PRELID2: variants seen among roughly 807,000 people sequenced by gnomAD.
PRELID2 encodes the protein PRELI domain-containing protein 2.
A neutral mutation model predicts 28.4 loss-of-function variants in PRELID2; 25 were observed. The observed-to-expected ratio is 0.88, with a 90% CI of 0.64 to 1.23. PRELID2 has a LOEUF of 1.23. Ranked by LOEUF, PRELID2 falls within the 50% of genes most tolerant of loss-of-function variation. PRELID2 has a pLI of 0.00. For synonymous variants in PRELID2, 76 were observed against 71.6 expected, an observed-to-expected ratio of 1.06 and a Z score of -0.31; for missense variants, 201 against 214.4, an observed-to-expected ratio of 0.94 and a Z score of 0.39.
the PRELID2 span, among the ~76,000 whole-genome samples, chr5:145,362,276 T>C: frequency 1.3e-5 from 2 of 152,136 alleles, no homozygotes; most frequent in South Asian, 4.1e-4. Context: ...ACAGAGAAAC[T>C]AAGGAATCTG....
the PRELID2 span, among the ~76,000 whole-genome samples, chr5:145,420,578 A>AT: frequency 1.5e-5 from 2 of 134,388 alleles, no homozygotes; most frequent in Non-Finnish European, 3.3e-5. Context: ...TTGTACATTG[A>AT]TTTTGTATCC....
intron 1 of PRELID2, among the ~76,000 whole-genome samples, chr5:145,735,435 C>T (rs1356445032): frequency 6.6e-6 from 1 of 151,870 alleles, no homozygotes; most frequent in African/African-American, 2.4e-5. Flanking sequence ...TTTACTCCAC[C>T]TCAGAGAAAG....
rs1381533750 is a variant in PRELID2, at chr5:145,673,914, G to T, written n.70+91017C>A. On this transcript the variant is annotated intron_variant and non_coding_transcript_variant, in intron 1 of 2. Transcript: ENST00000510259. ...AGAAGCAGACTTGAACAAATAAGAA[G>T]GCTTTCTTTCCATATTCTAGGCAAG... Among the ~76,000 whole-genome samples the T allele has an allele frequency of 2.0e-5, 3 of 152,126 alleles. No homozygotes were observed. The East Asian group carries it at 5.8e-4, about 29-fold the overall frequency.
At chr5:145,274,376 T>C in the PRELID2 span, among the ~76,000 whole-genome samples, 1 of 152,164 alleles carries the variant, frequency 6.6e-6, no homozygotes, top group Non-Finnish European at 1.5e-5. Flanking sequence ...GCTGATTAAA[T>C]GATAATTTTC....
intron 1 of PRELID2, 33 bp from the exon 2 acceptor site, chr5:145,823,167 T>A: frequency 9.5e-7 from 1 of 1,047,224 alleles, no homozygotes; most frequent in South Asian, 1.3e-5. Context: ...GAATTACCAT[T>A]AATCTTCTAC....
the PRELID2 span, among the ~76,000 whole-genome samples, chr5:145,399,394 G>A: frequency 6.6e-6 from 1 of 151,970 alleles, no homozygotes; most frequent in Admixed American, 6.6e-5. Flanking sequence ...AAGTTCAAAG[G>A]TTCATTTCTA....
At chr5:145,774,000 A>C (rs758166590) in intron 5 of PRELID2, among the ~76,000 whole-genome samples, 1 of 152,220 alleles carries the variant, frequency 6.6e-6, no homozygotes, top group Non-Finnish European at 1.5e-5. Context: ...TTCTTTACAT[A>C]AAAGGTCAGT....
At chr5:145,429,574 AG>A in the PRELID2 span, among the ~76,000 whole-genome samples, 4 of 152,208 alleles carry the variant, frequency 2.6e-5, no homozygotes, top group African/African-American at 7.2e-5. Flanking sequence ...ATACAGGATG[AG>A]ATTACGTAGG....
intron 1 of PRELID2, among the ~76,000 whole-genome samples, chr5:145,703,076 T>C (rs1041627050): frequency 7.9e-5 from 12 of 152,182 alleles, no homozygotes; most frequent in African/African-American, 2.9e-4. Context: ...AGATTCACCA[T>C]TTACTGGTCT....
rs1157104073 is a variant in PRELID2 at position 145,703,140 on chromosome 5, CCAGA to C, written n.70+61787_70+61790del. On this transcript the variant is annotated intron_variant and non_coding_transcript_variant, in intron 1 of 2. Coordinates refer to the PRELID2 transcript ENST00000510259. ...AAGTATACTAAGTCTTTGGAAGAAGCCAGACAAATTACCAAGCAAACACAATCTA... is the reference window on the plus strand; with the variant it reads ...AAGTATACTAAGTCTTTGGAAGAAGCCAAATTACCAAGCAAACACAATCTA... Among the ~76,000 whole-genome samples the C allele has an allele frequency of 5.9e-5, 9 of 152,222 alleles. No individual in the cohort carries two copies. The East Asian group carries it at 7.7e-4, about 13-fold the overall frequency.
chr5:145,419,162 C>T, the PRELID2 span, among the ~76,000 whole-genome samples: 1 of 150,566 alleles, frequency 6.6e-6, no homozygotes, highest in Non-Finnish European at 1.5e-5. Context: ...CAAGTCTTTG[C>T]TATTGTGAAT....
intron 1 of PRELID2, among the ~76,000 whole-genome samples, chr5:145,508,959 C>G (rs1354552191): frequency 2.0e-5 from 3 of 152,188 alleles, no homozygotes; most frequent in Non-Finnish European, 2.9e-5. Flanking sequence ...AATTGAAATA[C>G]TGGTCTAATG....
At chr5:145,657,639 C>G (rs961764272) in intron 1 of PRELID2, among the ~76,000 whole-genome samples, 1 of 151,998 alleles carries the variant, frequency 6.6e-6, no homozygotes, top group Non-Finnish European at 1.5e-5. Context: ...GAGCCAAGAT[C>G]GCACAACTGC....
At chr5:145,740,624 ATATTATATATATAAATATATATAT>A (rs1246348273) in intron 1 of PRELID2, among the ~76,000 whole-genome samples, 8 of 11,826 alleles carry the variant, frequency 6.8e-4, no homozygotes, top group Non-Finnish European at 2.2e-3. Context: ...AAATATATAT[ATATTATATATATAAATATATATAT>A]TTTATATATA....
At chr5:145,819,422 GA>G in intron 3 of PRELID2, 1 of 1,580,804 alleles carries the variant, frequency 6.3e-7, no homozygotes, top group South Asian at 1.1e-5. Context: ...GGACTTCAAA[GA>G]GAGAAAACAA....
the PRELID2 span, among the ~76,000 whole-genome samples, chr5:145,342,231 A>C: frequency 6.6e-6 from 1 of 152,284 alleles, no homozygotes. Flanking sequence ...TTACCACTAG[A>C]CATTCCCCAC....
chr5:145,716,370 T>A (rs1225535476), intron 1 of PRELID2, among the ~76,000 whole-genome samples: 1 of 152,180 alleles, frequency 6.6e-6, no homozygotes, highest in Non-Finnish European at 1.5e-5. Context: ...AATCCTTCAC[T>A]GAGAAGAAAT....
chr5:145,391,233 G>T, the PRELID2 span, among the ~76,000 whole-genome samples: 2 of 152,212 alleles, frequency 1.3e-5, no homozygotes, highest in African/African-American at 4.8e-5. Flanking sequence ...CTTTTGCCTA[G>T]ACATCCAGGC....
intron 1 of PRELID2, among the ~76,000 whole-genome samples, chr5:145,741,237 T>G (rs1441293752): frequency 1.8e-5 from 2 of 112,942 alleles, no homozygotes; most frequent in African/African-American, 3.7e-5. Flanking sequence ...TAATATATAA[T>G]ATAAATATAT....
Sources: gnomAD v4.1 joint callset for allele counts (sites outside exome capture counted in the v4.1 genomes callset) on GRCh38, gnomAD v4.1.1 for gene constraint, MANE v1.5 for transcripts, NCBI Gene and HGNC (gene_info 2026-07-23, HGNC 2026-07-21) for gene names.